Variants in CPSF7 observed in about 807,000 individuals in gnomAD.
CPSF7 encodes the protein cleavage and polyadenylation specific factor 7.
In CPSF7, 1 loss-of-function variant was observed where a neutral mutation model predicts 44.3. The observed-to-expected ratio is 0.02, with a 90% confidence interval of 0.01 to 0.11. The LOEUF (loss-of-function observed/expected upper bound fraction) is 0.11, where lower values mean the gene tolerates loss of function less well. CPSF7 is among the 10% of genes least tolerant of loss of function. CPSF7 has a pLI of 1.00. For missense variants in CPSF7, 443 were observed against 607.2 expected (o/e 0.73, Z 2.84); for synonymous variants, 202 against 222.0 (o/e 0.91, Z 0.80).
intron 2 of CPSF7, 86 bp downstream of exon 2, chr11:61,429,096 G>A (rs965745037): frequency 4.9e-6 from 4 of 814,140 alleles, no homozygotes; most frequent in Non-Finnish European, 8.5e-6. Flanking sequence ...GCCTAGGACT[G>A]GTACAGCTTG....
At chr11:61,417,552 T>G (rs1860454688) in intron 5 of CPSF7, among the ~76,000 whole-genome samples, 1 of 152,158 alleles carries the variant, frequency 6.6e-6, no homozygotes, top group African/African-American at 2.4e-5. Context: ...CTCCTTAAAC[T>G]AGAATATGAT....
At position 61,416,141 on chromosome 11, in the gene CPSF7, T is replaced by A; in HGVS notation, c.902A>T (p.Tyr301Phe). Residue 301 changes from tyrosine to phenylalanine, a missense_variant, in exon 6 of 10, where the codon TAC (tyrosine) becomes TTC (phenylalanine). Physicochemically the swap from Tyr to Phe is conservative, Grantham distance 22. Transcript: ENST00000439958. ...GTTATAGGGGGCAGAGGCCTTCATG[T>A]AAGTATCTGGTGGAGGCCCCACTGT... ...NATVGPPPDT[Y>F]MKASAPYNHH... 1 of 1,509,122 alleles carries A rather than the reference T, an allele frequency of 6.6e-7. No individual in the cohort carries two copies. The highest frequency in any genetic ancestry group is 1.4e-5 in the South Asian group (1 of 73,540). 93.5% of individuals were successfully genotyped at this position (1,509,122 alleles called of 1,614,324 possible).
At chr11:61,420,338 G>T in intron 4 of CPSF7, 132 bp downstream of exon 4, 1 of 822,036 alleles carries the variant, frequency 1.2e-6, no homozygotes. Context: ...CCTTTCTAAG[G>T]CAGTTTGCCA....
At chr11:61,420,202 GCTAAA>G (rs1352072120) in intron 4 of CPSF7, 108 bp from the exon 5 acceptor site, 3 of 916,818 alleles carry the variant, frequency 3.3e-6, no homozygotes, top group South Asian at 1.7e-5. Flanking sequence ...AGGACATCTT[GCTAAA>G]CTAAACACAC....
At chr11:61,405,273 TA>T (rs1474762311) in intron 9 of CPSF7, among the ~76,000 whole-genome samples, 1 of 152,180 alleles carries the variant, frequency 6.6e-6, no homozygotes, top group Non-Finnish European at 1.5e-5. Flanking sequence ...TTTTTCTTTT[TA>T]AAGGAGTCCT....
intron 9 of CPSF7, among the ~76,000 whole-genome samples, chr11:61,408,801 C>A (rs1859570262): frequency 6.6e-6 from 1 of 152,048 alleles, no homozygotes; most frequent in South Asian, 2.1e-4. Context: ...AGCCAGAGCC[C>A]CTGGATCCAA....
Position 61,421,465 on chromosome 11 carries a change from C to T in CPSF7, c.198G>A (p.Lys66=), listed in dbSNP as rs1325309181. The change falls in exon 3 of 10, where the codon AAG becomes AAA. Residue 66 remains lysine (K), a synonymous_variant. Transcript: ENST00000439958. ...RQEPSPKPNN[K]TPAILYTYSG... ...TGTAGGTATACAGAATTGCAGGGGT[C>T]TTGTTGTTGGGCTTGGGAGATGGCT... The T allele has an allele frequency of 6.2e-7, 1 of 1,614,112 alleles. No individual in the cohort carries two copies. Among genetic ancestry groups the T allele is most frequent in the South Asian group, 1.1e-5 (1 of 91,084 alleles).
chr11:61,408,057 CTTTTT>C (rs111594039), intron 9 of CPSF7, among the ~76,000 whole-genome samples: 1 of 137,762 alleles, frequency 7.3e-6, no homozygotes, highest in Admixed American at 7.3e-5. Context: ...TCAAGGACAT[CTTTTT>C]TTTTTTTTTT....
At chr11:61,408,360 G>A (rs1490051709) in intron 9 of CPSF7, among the ~76,000 whole-genome samples, 1 of 152,046 alleles carries the variant, frequency 6.6e-6, no homozygotes, top group African/African-American at 2.4e-5. Flanking sequence ...ACCCACCTTG[G>A]CCTCCCAAAG....
chr11:61,402,877 TC>T lies in CPSF7; in HGVS notation c.*1832del, dbSNP rs1371410154. ...TCAGGAAATAAAACTAAAAATGGTGTCATTGAGTAAAAACAAAACAAATGGG... is the reference window on the plus strand; with the variant it reads ...TCAGGAAATAAAACTAAAAATGGTGTATTGAGTAAAAACAAAACAAATGGG... On this transcript the variant is annotated 3_prime_UTR_variant, in exon 10 of 10. Coordinates refer to ENST00000439958, the MANE Select transcript of CPSF7 (RefSeq NM_001142565.3). 2.0e-5 allele frequency: 3 copies of T among 152,448 alleles called. No individual in the cohort carries two copies. The highest frequency in any genetic ancestry group is 6.6e-5 in the Admixed American group (1 of 15,264). The allele number at this position is 152,448 out of a possible 1,614,324, so 9.4% of individuals were successfully genotyped here.
intron 9 of CPSF7, among the ~76,000 whole-genome samples, chr11:61,408,669 G>A (rs1405062205): frequency 6.6e-6 from 1 of 152,120 alleles, no homozygotes; most frequent in African/African-American, 2.4e-5. Context: ...TTGCTAAGCT[G>A]GTAGGATGCA....
rs556449675 is a variant in CPSF7 at position 61,429,250 on chromosome 11, G to A, written c.-15C>T. On this transcript the variant is annotated 5_prime_UTR_variant, in exon 2 of 10. Coordinates refer to ENST00000439958, the MANE Select transcript of CPSF7 (RefSeq NM_001142565.3). ...CCTTCTGACATGGCTCCGGAAGGAA[G>A]ATCGCGAGTCCGGAGGATGGACAAA... 2.5e-6 allele frequency: 4 copies of A among 1,613,702 alleles called. No individual in the cohort carries two copies. The African/African-American group carries it at 4.0e-5, about 16-fold the overall frequency.
At chr11:61,429,801 C>T (rs1325806858) in intron 1 of CPSF7, 113 bp downstream of exon 1, 5 of 1,548,426 alleles carry the variant, frequency 3.2e-6, no homozygotes, top group South Asian at 1.2e-5. Flanking sequence ...GCCCGCGACT[C>T]CCTCCGCCCG....
chr11:61,415,556 T>C (rs1318443660), intron 7 of CPSF7, 110 bp downstream of exon 7: 3 of 720,024 alleles, frequency 4.2e-6, no homozygotes, highest in Non-Finnish European at 7.4e-6. Context: ...GCTCTTGATA[T>C]CTACAGTACT....
In CPSF7 at chr11:61,429,244, A is replaced by G. The variant is rs959945058; in HGVS notation, c.-9T>C. On this transcript the variant is annotated 5_prime_UTR_variant, in exon 2 of 10. Coordinates refer to ENST00000439958, the MANE Select transcript of CPSF7 (RefSeq NM_001142565.3). ...TCCACTCCTTCTGACATGGCTCCGG[A>G]AGGAAGATCGCGAGTCCGGAGGATG... The G allele has an allele frequency of 1.9e-6, 3 of 1,613,762 alleles. No homozygotes were observed. Among genetic ancestry groups the G allele is most frequent in the Non-Finnish European group, 2.5e-6 (3 of 1,179,752 alleles).
chr11:61,409,621 TCTGA>T (rs1479853020), intron 9 of CPSF7, among the ~76,000 whole-genome samples: 1 of 151,860 alleles, frequency 6.6e-6, no homozygotes, highest in Non-Finnish European at 1.5e-5. Flanking sequence ...CTTTCTCCTC[TCTGA>T]CTAAAGCATA....
rs1860347066 is a variant in CPSF7, at chr11:61,416,442, G to T, written c.601C>A (p.Pro201Thr). ...GRATPSENLV[P>T]SSARVDKPPS... ...GGCTTATCCACACGAGCAGATGAGG[G>T]TACAAGGTTCTCAGAGGGTGTGGCC... Residue 201 changes from proline (P) to threonine (T), a missense_variant, in exon 6 of 10, where the codon CCC (proline) becomes ACC (threonine). Physicochemically the swap from Pro to Thr is conservative, Grantham distance 38 (BLOSUM62 -1). Coordinates refer to ENST00000439958, the MANE Select transcript of CPSF7 (RefSeq NM_001142565.3). 1 of 1,614,084 alleles carries T rather than the reference G, an allele frequency of 6.2e-7. No homozygotes were observed. Among genetic ancestry groups the T allele is most frequent in the Non-Finnish European group, 8.5e-7 (1 of 1,179,984 alleles).
intron 8 of CPSF7, 115 bp downstream of exon 8, chr11:61,411,654 T>C: frequency 2.3e-6 from 2 of 881,262 alleles, no homozygotes; most frequent in South Asian, 1.9e-5. Flanking sequence ...AAGGCTAACG[T>C]CCAGACTTTC....
intron 6 of CPSF7, 88 bp from the exon 7 acceptor site, chr11:61,415,872 A>G (rs1860281698): frequency 4.8e-6 from 5 of 1,037,658 alleles, no homozygotes; most frequent in Non-Finnish European, 7.5e-6. Context: ...TTGGCATAAC[A>G]CAGAACAATG....
Sources: gnomAD v4.1 joint callset for allele counts (sites outside exome capture counted in the v4.1 genomes callset) on GRCh38, gnomAD v4.1.1 for gene constraint, MANE v1.5 for transcripts, NCBI Gene and HGNC (gene_info 2026-07-23, HGNC 2026-07-21) for gene names.